PLEKHG3: variants seen among roughly 807,000 people sequenced by gnomAD.
The protein encoded by PLEKHG3 is pleckstrin homology and RhoGEF domain containing G3.
Under a neutral mutation model 94.9 loss-of-function variants are expected in PLEKHG3, and 62 were observed. That is an observed-to-expected ratio of 0.65 (90% CI 0.53 to 0.81). PLEKHG3 has a LOEUF of 0.81. Ranked by LOEUF, PLEKHG3 falls within the 30% of genes least tolerant of loss-of-function variation. The probability of loss-of-function intolerance (pLI) is 0.00; values close to 1 mark genes in which losing one functional copy is unlikely to be tolerated. For synonymous variants in PLEKHG3, 614 were observed against 654.0 expected, an observed-to-expected ratio of 0.94 and a Z score of 0.93; for missense variants, 1,461 against 1,619.3, an observed-to-expected ratio of 0.90 and a Z score of 1.68.
rs1213501096 is a variant in PLEKHG3 at position 64,721,325 on chromosome 14, G to C, written c.-39-6268G>C. On this transcript the variant is annotated intron_variant, in intron 1 of 16. Transcript: ENST00000247226. The surrounding 1 kb of genome is among the most constrained non-coding windows in gnomAD (Gnocchi z 4.3). ...TGTAGATGAACAGCCCTCCCTCTGA[G>C]CTAGGTGCCTGGCTTTCCTTTCCTT... 6.6e-6 allele frequency among the ~76,000 whole-genome samples: 1 copy of C among 152,008 alleles called. No homozygotes were observed. The highest frequency in any genetic ancestry group is 6.5e-5 in the Admixed American group (1 of 15,274).
At position 64,748,960 on chromosome 14, in the gene PLEKHG3, G is replaced by C. The variant is rs895106619; in HGVS notation, c.*5257G>C. The stretch of plus-strand genomic sequence containing the variant: ...TCTTTTTTTTTTTTTTTTTTGGTTG[G>C]GGGTAAGGGGCCTGTGCCCCCTCGG... On this transcript the variant is annotated 3_prime_UTR_variant, in exon 17 of 17. Transcript: ENST00000247226. 3 of 203,160 alleles carry C rather than the reference G, an allele frequency of 1.5e-5. No homozygotes were observed. Among genetic ancestry groups the C allele is most frequent in the African/African-American group, 7.1e-5 (3 of 42,116 alleles). The allele number at this position is 203,160 out of a possible 1,614,324, so 12.6% of individuals were successfully genotyped here. A position where few individuals can be genotyped will look rare whatever the true frequency, so the allele number is the denominator to read the frequency against.
chr14:64,732,483 GT>G lies in PLEKHG3; in HGVS notation c.1246+27del, dbSNP rs759953839. ...ATTGTAAGTGTACCCTTTTCTGCCT[GT>G]TTTGTCCCTAATCGTGCACATTGCT... On this transcript the variant is annotated intron_variant, in intron 11 of 16. Transcript: ENST00000247226. This position sits in a 1 kb window ranked among gnomAD's most constrained non-coding sequence, Gnocchi z 4.9. 5.6e-6 allele frequency: 9 copies of G among 1,607,628 alleles called. No homozygotes were observed. In the African/African-American group the frequency reaches 1.2e-4, roughly 22 times the overall value.
chr14:64,750,033 T>C lies in PLEKHG3; in HGVS notation c.*6330T>C. On this transcript the variant is annotated 3_prime_UTR_variant, in exon 17 of 17. Transcript: ENST00000247226. ...TTGTAGTTGGCAGCAATCTCACAGA[T>C]GGCATGTCTCAGGGCCAGGGGTTCC... 1 of 1,614,200 alleles carries C rather than the reference T, an allele frequency of 6.2e-7. No homozygotes were observed. The highest frequency in any genetic ancestry group is 8.5e-7 in the Non-Finnish European group (1 of 1,180,030).
chr14:64,743,129 C>T lies in PLEKHG3; in HGVS notation c.3086C>T (p.Pro1029Leu), dbSNP rs1399361684. The T allele has an allele frequency of 6.2e-7, 1 of 1,612,180 alleles. No homozygotes were observed. Among genetic ancestry groups the T allele is most frequent in the South Asian group, 1.1e-5 (1 of 91,086 alleles). ...GCTGTCAGCCAGAGGACCACCTCGC[C>T]TGGGGGCCGGCCCTCCGCCCGGAGC... ...PSAVSQRTTS[P>L]GGRPSARSPL... The change falls in exon 17 of 17, where the codon CCT (proline) becomes CTT (leucine). Residue 1029 changes from proline (P) to leucine (L), a missense_variant. Physicochemically the swap from Pro to Leu is moderately conservative, Grantham distance 98. Around this residue, in one of 3 missense-constraint regions of PLEKHG3, gnomAD observed 1,201 missense variants for 1,295.5 expected, o/e 0.93. Coordinates refer to ENST00000247226, the MANE Select transcript of PLEKHG3 (RefSeq NM_001308147.2). The surrounding 1 kb of genome is among the most constrained non-coding windows in gnomAD (Gnocchi z 7.2).
Position 64,738,151 on chromosome 14 carries a change from C to G in PLEKHG3, c.1405-591C>G. ...GTGGCGGAGCAGGTAGCCGACTTTG[C>G]CAGCTCCCTGCTGGCCGCCCTCCAC... is the stretch of plus-strand genomic sequence containing the variant. On this transcript the variant is annotated intron_variant, in intron 14 of 16. Transcript: ENST00000247226. This position sits in a 1 kb window ranked among gnomAD's most constrained non-coding sequence, Gnocchi z 4.8. 1 of 1,295,544 alleles carries G rather than the reference C, an allele frequency of 7.7e-7. No homozygotes were observed. The highest frequency in any genetic ancestry group is 1.0e-6 in the Non-Finnish European group (1 of 992,444). 80.3% of individuals were successfully genotyped at this position (1,295,544 alleles called of 1,614,324 possible).
intron 1 of PLEKHG3, among the ~76,000 whole-genome samples, chr14:64,705,643 C>T (rs2080959738): frequency 6.6e-6 from 1 of 152,188 alleles, no homozygotes; most frequent in Non-Finnish European, 1.5e-5. Context: ...TGCACGCAGC[C>T]CAGTCACATG....
intron 1 of PLEKHG3, among the ~76,000 whole-genome samples, chr14:64,714,174 G>T (rs565136757): frequency 6.6e-6 from 1 of 152,194 alleles, no homozygotes; most frequent in East Asian, 1.9e-4. Flanking sequence ...TCTGTATCAG[G>T]TTCCTCTTCA....
At chr14:64,734,472 TA>T (rs1294130118) in intron 12 of PLEKHG3, among the ~76,000 whole-genome samples, 5 of 152,174 alleles carry the variant, frequency 3.3e-5, no homozygotes, top group Non-Finnish European at 7.3e-5. Flanking sequence ...TGAATATACT[TA>T]AAGCCGTTGA....
chr14:64,741,009 A>T (rs748357583), intron 15 of PLEKHG3, 27 bp from the exon 16 acceptor site: 1 of 1,533,300 alleles, frequency 6.5e-7, no homozygotes. Context: ...CTTTTTACTC[A>T]TGTGAGCCTT....
intron 1 of PLEKHG3, among the ~76,000 whole-genome samples, chr14:64,705,017 G>T (rs975363791): frequency 6.6e-6 from 1 of 152,142 alleles, no homozygotes; most frequent in Admixed American, 6.5e-5. Flanking sequence ...AATCCAGGAA[G>T]CCCGCGAGGC....
chr14:64,743,394 G>A lies in PLEKHG3; in HGVS notation c.3351G>A (p.Gly1117=). Residue 1117 remains glycine (G), a synonymous_variant, in exon 17 of 17, where the codon GGG becomes GGA. Coordinates refer to ENST00000247226, the MANE Select transcript of PLEKHG3 (RefSeq NM_001308147.2). The surrounding 1 kb of genome is among the most constrained non-coding windows in gnomAD (Gnocchi z 7.2). ...RGGGEAAQSP[G]PLPQSKPDGG... is the part of the protein sequence containing the mutation. ...GCGGAGAGGCTGCCCAATCCCCTGG[G>A]CCTCTGCCCCAGAGCAAGCCGGATG... is the stretch of plus-strand genomic sequence containing the variant. 2 of 1,609,318 alleles carry A rather than the reference G, an allele frequency of 1.2e-6. No homozygotes were observed. The highest frequency in any genetic ancestry group is 1.7e-6 in the Non-Finnish European group (2 of 1,177,430).
Position 64,750,037 on chromosome 14 carries a change from A to T in PLEKHG3, c.*6334A>T, listed in dbSNP as rs757580862. ...AGTTGGCAGCAATCTCACAGATGGC[A>T]TGTCTCAGGGCCAGGGGTTCCTCCC... On this transcript the variant is annotated 3_prime_UTR_variant, in exon 17 of 17. Coordinates refer to ENST00000247226, the MANE Select transcript of PLEKHG3 (RefSeq NM_001308147.2). 9 of 1,614,116 alleles carry T rather than the reference A, an allele frequency of 5.6e-6. No individual in the cohort carries two copies. Among genetic ancestry groups the T allele is most frequent in the African/African-American group, 1.3e-5 (1 of 74,950 alleles).
intron 1 of PLEKHG3, among the ~76,000 whole-genome samples, chr14:64,708,176 C>T (rs1594652893): frequency 2.0e-5 from 3 of 152,164 alleles, no homozygotes; most frequent in Non-Finnish European, 2.9e-5. Context: ...TGGCTGAGGA[C>T]GTGGGACTCC....
Position 64,730,530 on chromosome 14 carries a change from T to G in PLEKHG3, c.520-112T>G. On this transcript the variant is annotated intron_variant, in intron 4 of 16. Transcript: ENST00000247226. The surrounding 1 kb of genome is among the most constrained non-coding windows in gnomAD (Gnocchi z 5.4). ...AGGTATAAAGATGGCTCTGTAGGCA[T>G]TTGGGAACAGGGGACAGAGGGTGCT... 1.1e-6 allele frequency: 1 copy of G among 900,190 alleles called. No individual in the cohort carries two copies. The highest frequency in any genetic ancestry group is 1.8e-6 in the Non-Finnish European group (1 of 555,774). 55.8% of individuals were successfully genotyped at this position (900,190 alleles called of 1,614,324 possible).
chr14:64,705,488 T>A (rs1412892005), intron 1 of PLEKHG3, among the ~76,000 whole-genome samples: 1 of 152,176 alleles, frequency 6.6e-6, no homozygotes, highest in East Asian at 1.9e-4. Flanking sequence ...GCGAAAGAGT[T>A]TGATCCTCGA....
At position 64,732,357 on chromosome 14, in the gene PLEKHG3, G is replaced by A; in HGVS notation, c.1213-70G>A. On this transcript the variant is annotated intron_variant, in intron 10 of 16. Coordinates refer to ENST00000247226, the MANE Select transcript of PLEKHG3 (RefSeq NM_001308147.2). This position sits in a 1 kb window ranked among gnomAD's most constrained non-coding sequence, Gnocchi z 4.9. ...TGTGGGGTGTCCTCGTACAGCAACA[G>A]TGGGTCCTATGGGCAGGGAAGGCCG... 7.0e-7 allele frequency: 1 copy of A among 1,438,428 alleles called. No homozygotes were observed. The highest frequency in any genetic ancestry group is 9.8e-7 in the Non-Finnish European group (1 of 1,019,982). The allele number at this position is 1,438,428 out of a possible 1,614,324, so 89.1% of individuals were successfully genotyped here.
chr14:64,736,788 T>C, intron 12 of PLEKHG3, 65 bp from the exon 13 acceptor site: 1 of 1,223,162 alleles, frequency 8.2e-7, no homozygotes. Context: ...GCTGTGAGCT[T>C]GGGACCCAGC....
chr14:64,737,854 CTG>C, intron 14 of PLEKHG3: 1 of 1,184,690 alleles, frequency 8.4e-7, no homozygotes, highest in African/African-American at 1.6e-5. Flanking sequence ...GTCTTGTGCT[CTG>C]AACAGCATGC....
chr14:64,708,807 C>G (rs374512540), intron 1 of PLEKHG3, among the ~76,000 whole-genome samples: 110 of 151,412 alleles, frequency 7.3e-4, no homozygotes, highest in African/African-American at 2.5e-3. Flanking sequence ...ATGGCCAGTT[C>G]CACCCCCCCG....
Sources: allele counts gnomAD v4.1 joint callset (sites outside exome capture counted in the v4.1 genomes callset), GRCh38; gene constraint gnomAD v4.1.1; regional missense constraint gnomAD v4.1.1; non-coding constraint Gnocchi (gnomAD v3.1); transcripts MANE v1.5; gene names NCBI Gene and HGNC (gene_info 2026-07-23, HGNC 2026-07-21).